The following NXPE4 variants were observed in gnomAD, a reference collection of about 807,000 sequenced individuals.
NXPE4 encodes neurexophilin and PC-esterase domain family member 4.
In NXPE4, 42 loss-of-function variants were observed where a neutral mutation model predicts 33.3. That is an observed-to-expected ratio of 1.26 (90% CI 0.98 to 1.63). The LOEUF is 1.63. NXPE4 is among the 40% of genes most tolerant of loss of function. The probability of loss-of-function intolerance (pLI) is 0.00; values close to 1 mark genes in which losing one functional copy is unlikely to be tolerated. For missense variants in NXPE4, 709 were observed against 647.6 expected (o/e 1.09, Z -1.03); for synonymous variants, 253 against 234.9 (o/e 1.08, Z -0.71).
rs1948866833 is a variant in NXPE4 at position 114,570,732 on chromosome 11, A to G, written c.*206T>C. 8 of 467,154 alleles carry G rather than the reference A, an allele frequency of 1.7e-5. No individual in the cohort carries two copies. Among genetic ancestry groups the G allele is most frequent in the South Asian group, 7.2e-5 (2 of 27,674 alleles). 28.9% of individuals were successfully genotyped at this position (467,154 alleles called of 1,614,324 possible). On this transcript the variant is annotated 3_prime_UTR_variant, in exon 6 of 6. Transcript: ENST00000375478. ...TGATCAAGAAGGGTAGGCTCTTTTC[A>G]TGAGTATTTTTAGTTTTATTTTTAA...
chr11:114,626,261 G>A, the NXPE4 span, among the ~76,000 whole-genome samples: 9 of 152,214 alleles, frequency 5.9e-5, no homozygotes, highest in East Asian at 1.9e-4. Flanking sequence ...AACCTCTGCA[G>A]ACTTAAATGT....
At chr11:114,635,793 G>C in the NXPE4 span, among the ~76,000 whole-genome samples, 2 of 151,944 alleles carry the variant, frequency 1.3e-5, no homozygotes, top group African/African-American at 4.8e-5. Flanking sequence ...ATTGAACCAG[G>C]CTTGCATCCC....
the NXPE4 span, among the ~76,000 whole-genome samples, chr11:114,601,698 A>AT: frequency 1.8e-5 from 1 of 54,194 alleles, no homozygotes; most frequent in African/African-American, 7.0e-5. Flanking sequence ...ATATATTTAT[A>AT]ATTCTTTATA....
chr11:114,651,368 G>C, the NXPE4 span, among the ~76,000 whole-genome samples: 1 of 152,060 alleles, frequency 6.6e-6, no homozygotes, highest in Non-Finnish European at 1.5e-5. Flanking sequence ...GTTCCTCCTG[G>C]TGGGTTCGTG....
At chr11:114,593,517 G>C (rs559880840) in intron 2 of NXPE4, among the ~76,000 whole-genome samples, 2 of 152,168 alleles carry the variant, frequency 1.3e-5, no homozygotes, top group African/African-American at 4.8e-5. Context: ...CCAAAAGACA[G>C]ATAGTAACAT....
At position 114,571,373 on chromosome 11, in the gene NXPE4, A is replaced by T. The variant is rs1178597585; in HGVS notation, c.1200T>A (p.Tyr400Ter). The change falls in exon 6 of 6, where the codon TAT (tyrosine) becomes TAA (stop). Residue 400 changes from tyrosine (Y) to a stop codon, truncating the protein, a stop_gained. Transcript: ENST00000375478. LOFTEE classifies it low-confidence loss of function (END_TRUNC). ...AATAGGTCATTGATCCTATCAAGGGATAACAATATTTTTGCCACTGGATGT... is the reference window on the plus strand; with the variant it reads ...AATAGGTCATTGATCCTATCAAGGGTTAACAATATTTTTGCCACTGGATGT... ...NINIQWQKYC[Y>*]PLIGSMTYSV... 3 of 1,613,792 alleles carry T rather than the reference A, an allele frequency of 1.9e-6. No individual in the cohort carries two copies. Among genetic ancestry groups the T allele is most frequent in the Non-Finnish European group, 2.5e-6 (3 of 1,179,870 alleles).
rs1213293601 is a variant in NXPE4 at position 114,582,518 on chromosome 11, G to A, written c.600C>T (p.Asp200=). 6.2e-7 allele frequency: 1 copy of A among 1,614,138 alleles called. No individual in the cohort carries two copies. Among genetic ancestry groups the A allele is most frequent in the African/African-American group, 1.3e-5 (1 of 75,042 alleles). The change falls in exon 3 of 6, where the codon GAC becomes GAT. Residue 200 remains aspartate (D), a synonymous_variant. Coordinates refer to ENST00000375478, the MANE Select transcript of NXPE4 (RefSeq NM_001077639.2). ...CAAACTGGCCAGTGAAGATCACCCT[G>A]TCATAGCCTTGGTTCCTTGCACTCC... ...ALWSARNQGY[D]RVIFTGQFVN... is the part of the protein sequence containing the mutation.
At chr11:114,592,067 A>T (rs1268753019) in intron 2 of NXPE4, among the ~76,000 whole-genome samples, 1 of 152,218 alleles carries the variant, frequency 6.6e-6, no homozygotes, top group Non-Finnish European at 1.5e-5. Context: ...CACAGCTAAC[A>T]TCACATTCAA....
chr11:114,671,749 G>T, the NXPE4 span, among the ~76,000 whole-genome samples: 2 of 152,038 alleles, frequency 1.3e-5, no homozygotes, highest in Admixed American at 6.6e-5. Flanking sequence ...AAACAAAACT[G>T]AGAGCATTCA....
chr11:114,606,807 G>A, the NXPE4 span, among the ~76,000 whole-genome samples: 4 of 152,048 alleles, frequency 2.6e-5, no homozygotes, highest in East Asian at 5.8e-4. Context: ...TGCTTGTAGG[G>A]TAACCACTGT....
the NXPE4 span, among the ~76,000 whole-genome samples, chr11:114,620,649 A>G: frequency 6.6e-6 from 1 of 151,598 alleles, no homozygotes; most frequent in Non-Finnish European, 1.5e-5. Context: ...AACCCAGTGG[A>G]TTACCCAGTG....
At chr11:114,635,958 A>T in the NXPE4 span, among the ~76,000 whole-genome samples, 1 of 152,058 alleles carries the variant, frequency 6.6e-6, no homozygotes, top group Non-Finnish European at 1.5e-5. Flanking sequence ...CGTCTTTGGT[A>T]TCAGGATGAT....
At chr11:114,613,478 C>A in the NXPE4 span, among the ~76,000 whole-genome samples, 1 of 151,862 alleles carries the variant, frequency 6.6e-6, no homozygotes, top group Non-Finnish European at 1.5e-5. Flanking sequence ...ATAAGTATTG[C>A]CTCGTGGGTA....
the NXPE4 span, among the ~76,000 whole-genome samples, chr11:114,610,273 C>CTCATGGGTAACGACTGT: frequency 2.6e-5 from 4 of 151,182 alleles, no homozygotes; most frequent in African/African-American, 9.7e-5. Context: ...TAGGTGTTGC[C>CTCATGGGTAACGACTGT]TACCCGGTGG....
chr11:114,643,534 TTTTGTCAGG>T, the NXPE4 span, among the ~76,000 whole-genome samples: 1 of 152,148 alleles, frequency 6.6e-6, no homozygotes. Flanking sequence ...CATTGCTTGT[TTTTGTCAGG>T]TTTGTCAAAG....
the NXPE4 span, among the ~76,000 whole-genome samples, chr11:114,642,921 A>G: frequency 6.6e-6 from 1 of 152,106 alleles, no homozygotes; most frequent in Non-Finnish European, 1.5e-5. Flanking sequence ...GCTCTCCAGC[A>G]TCGGATGTTT....
chr11:114,591,737 GC>G (rs1190639066), intron 2 of NXPE4, among the ~76,000 whole-genome samples: 2 of 151,904 alleles, frequency 1.3e-5, no homozygotes, highest in Non-Finnish European at 2.9e-5. Context: ...TAAATTCCAT[GC>G]CCCCTCATGG....
At chr11:114,631,904 G>A in the NXPE4 span, among the ~76,000 whole-genome samples, 2,958 of 151,290 alleles carry the variant, frequency 0.02, 61 homozygotes, top group Middle Eastern at 0.079. Context: ...GTATTGCCTC[G>A]TGGGTCACTA....
the NXPE4 span, among the ~76,000 whole-genome samples, chr11:114,631,884 T>G: frequency 6.6e-6 from 1 of 151,478 alleles, no homozygotes; most frequent in Admixed American, 6.6e-5. Context: ...TGTTACCCAG[T>G]GGATAATAAG....
Sources: gnomAD v4.1 joint callset for allele counts (sites outside exome capture counted in the v4.1 genomes callset) on GRCh38, gnomAD v4.1.1 for gene constraint, MANE v1.5 for transcripts, NCBI Gene and HGNC (gene_info 2026-07-23, HGNC 2026-07-21) for gene names.